Variants in RIMKLB observed in about 807,000 individuals in gnomAD.
RIMKLB encodes the protein ribosomal modification protein rimK like family member B.
Under a neutral mutation model 32.0 loss-of-function variants are expected in RIMKLB, and 7 were observed. The ratio of observed to expected loss-of-function variants is 0.22; its 90% CI spans 0.12 to 0.41. The LOEUF is 0.41. Among genes scored for constraint, RIMKLB ranks in the 10% least tolerant of loss-of-function variants. The probability of loss-of-function intolerance (pLI) is 1.00; values close to 1 mark genes in which losing one functional copy is unlikely to be tolerated. For missense variants in RIMKLB, 289 were observed against 498.7 expected, an observed-to-expected ratio of 0.58 and a Z score of 4.00; for synonymous variants, 172 against 185.1, an observed-to-expected ratio of 0.93 and a Z score of 0.57.
At position 8,777,018 on chromosome 12, in the gene RIMKLB, A is replaced by G. The variant is rs984591671; in HGVS notation, c.*3234A>G. The G allele has an allele frequency of 4.1e-6, 4 of 985,648 alleles. No individual in the cohort carries two copies. The African/African-American group carries it at 5.2e-5, about 13-fold the overall frequency. 61.1% of individuals were successfully genotyped at this position (985,648 alleles called of 1,614,324 possible). ...TGGCTCACTTTTTTTGAGAAGGTTTATGGGCTATTTGGCTGGTGAGACACG... is the reference window on the plus strand; with the variant it reads ...TGGCTCACTTTTTTTGAGAAGGTTTGTGGGCTATTTGGCTGGTGAGACACG... On this transcript the variant is annotated 3_prime_UTR_variant, in exon 6 of 6. Transcript: ENST00000535829.
Position 8,775,846 on chromosome 12 carries a change from T to C in RIMKLB, c.*2062T>C. 2 of 985,104 alleles carry C rather than the reference T, an allele frequency of 2.0e-6. No homozygotes were observed. The highest frequency in any genetic ancestry group is 2.4e-6 in the Non-Finnish European group (2 of 829,600). 61.0% of individuals were successfully genotyped at this position (985,104 alleles called of 1,614,324 possible). ...TTTATCTTAGGATATTCTAATTGCATTTAAAAGAACTTATCTTGCGCAGGG... is the reference window on the plus strand; with the variant it reads ...TTTATCTTAGGATATTCTAATTGCACTTAAAAGAACTTATCTTGCGCAGGG... On this transcript the variant is annotated 3_prime_UTR_variant, in exon 6 of 6. Coordinates refer to ENST00000535829, the MANE Select transcript of RIMKLB (RefSeq NM_001297776.2).
At chr12:8,710,307 C>CTTTTT (rs762963381) in intron 1 of RIMKLB, among the ~76,000 whole-genome samples, 1 of 125,582 alleles carries the variant, frequency 8.0e-6, no homozygotes, top group African/African-American at 3.1e-5. Flanking sequence ...TTGTTTCCTT[C>CTTTTT]TTTTTTTTTT....
chr12:8,689,780 G>C (rs1285562520), intron 1 of RIMKLB, among the ~76,000 whole-genome samples: 1 of 152,160 alleles, frequency 6.6e-6, no homozygotes, highest in Non-Finnish European at 1.5e-5. Flanking sequence ...AGGCCTGGGA[G>C]AACGCAGGCT....
chr12:8,686,560 A>G (rs1849960969), intron 1 of RIMKLB, among the ~76,000 whole-genome samples: 1 of 151,472 alleles, frequency 6.6e-6, no homozygotes, highest in Admixed American at 6.6e-5. Context: ...GCTCACTGCA[A>G]GCTCCGCCTC....
chr12:8,746,629 A>G (rs1422679334), intron 2 of RIMKLB, among the ~76,000 whole-genome samples: 1 of 151,790 alleles, frequency 6.6e-6, no homozygotes, highest in East Asian at 1.9e-4. Context: ...AAAAGATATC[A>G]AGATGCTCGT....
rs1950737234 is a variant in RIMKLB at position 8,776,547 on chromosome 12, G to C, written c.*2763G>C. The C allele has an allele frequency of 2.5e-6, 2 of 795,908 alleles. No individual in the cohort carries two copies. The highest frequency in any genetic ancestry group is 3.0e-6 in the Non-Finnish European group (2 of 657,708). 49.3% of individuals were successfully genotyped at this position (795,908 alleles called of 1,614,324 possible). On this transcript the variant is annotated 3_prime_UTR_variant, in exon 6 of 6. Transcript: ENST00000535829. ...AAAATTTTTGTATATTGTTAAAATT[G>C]TAATTCTAAATTGTATTTCAAAAAT...
At chr12:8,771,449 A>G (rs1443466510) in intron 5 of RIMKLB, among the ~76,000 whole-genome samples, 2 of 152,206 alleles carry the variant, frequency 1.3e-5, no homozygotes, top group Non-Finnish European at 2.9e-5. Flanking sequence ...GGGCTGTTGG[A>G]GTGATATGCC....
intron 2 of RIMKLB, among the ~76,000 whole-genome samples, chr12:8,716,725 C>CTTTTTTTTTTTTT (rs71451981): frequency 2.2e-4 from 21 of 95,160 alleles, no homozygotes; most frequent in East Asian, 9.7e-4. Flanking sequence ...TCTTTTCCTT[C>CTTTTTTTTTTTTT]TTTTTTTTTT....
intron 1 of RIMKLB, among the ~76,000 whole-genome samples, chr12:8,690,292 T>A (rs1373553425): frequency 1.3e-5 from 2 of 152,238 alleles, no homozygotes; most frequent in East Asian, 3.8e-4. Flanking sequence ...AATTTTTTGT[T>A]GAATCTTTAG....
At chr12:8,672,729 C>G in the RIMKLB span, among the ~76,000 whole-genome samples, 1 of 152,102 alleles carries the variant, frequency 6.6e-6, no homozygotes, top group Non-Finnish European at 1.5e-5. Flanking sequence ...CTCATGAGAT[C>G]TGGTTGTTTG....
intron 5 of RIMKLB, among the ~76,000 whole-genome samples, chr12:8,766,538 G>A (rs1324052938): frequency 3.9e-5 from 6 of 152,328 alleles, no homozygotes; most frequent in Non-Finnish European, 7.4e-5. Flanking sequence ...TTTTGATTCT[G>A]TAAGTACTTT....
At chr12:8,692,947 T>C (rs1373076899), upstream of RIMKLB, among the ~76,000 whole-genome samples, 1 of 152,224 alleles carries the variant, frequency 6.6e-6, no homozygotes, top group East Asian at 1.9e-4. Context: ...TTTGCAGTTA[T>C]AACGTTAGAT....
At chr12:8,768,933 A>G (rs927862384) in intron 5 of RIMKLB, among the ~76,000 whole-genome samples, 1 of 152,146 alleles carries the variant, frequency 6.6e-6, no homozygotes, top group East Asian at 1.9e-4. Flanking sequence ...TTTTTAAAAA[A>G]TTCTATCTTT....
chr12:8,751,287 T>G (rs1948599626), intron 3 of RIMKLB, among the ~76,000 whole-genome samples: 1 of 152,224 alleles, frequency 6.6e-6, no homozygotes, highest in Non-Finnish European at 1.5e-5. Context: ...CGCTACACAT[T>G]TCTCGTATTT....
chr12:8,733,806 C>T (rs1946757962), intron 2 of RIMKLB, among the ~76,000 whole-genome samples: 2 of 152,208 alleles, frequency 1.3e-5, no homozygotes, highest in Admixed American at 6.5e-5. Flanking sequence ...ATTGATTGAG[C>T]ACAGGAATTG....
intron 5 of RIMKLB, among the ~76,000 whole-genome samples, chr12:8,768,693 C>T (rs1377762304): frequency 1.3e-5 from 2 of 152,084 alleles, no homozygotes; most frequent in African/African-American, 4.8e-5. Flanking sequence ...GCAGTAATAG[C>T]TTTTATCACT....
chr12:8,717,924 T>C (rs951723448), intron 2 of RIMKLB, among the ~76,000 whole-genome samples: 4 of 152,228 alleles, frequency 2.6e-5, no homozygotes, highest in Non-Finnish European at 4.4e-5. Flanking sequence ...ACGCCTATTT[T>C]AAAATAACGA....
intron 5 of RIMKLB, among the ~76,000 whole-genome samples, chr12:8,755,407 T>C (rs1375127916): frequency 6.6e-6 from 1 of 152,156 alleles, no homozygotes; most frequent in Non-Finnish European, 1.5e-5. Context: ...AGCCTCTCTC[T>C]ATTGGTTAAT....
intron 2 of RIMKLB, among the ~76,000 whole-genome samples, chr12:8,741,665 A>C (rs1162426907): frequency 6.8e-6 from 1 of 147,872 alleles, no homozygotes; most frequent in East Asian, 2.1e-4. Context: ...CTGTAGTCCC[A>C]GCTACTCGGG....
Sources: gnomAD v4.1 joint callset for allele counts (sites outside exome capture counted in the v4.1 genomes callset) on GRCh38, gnomAD v4.1.1 for gene constraint, MANE v1.5 for transcripts, NCBI Gene and HGNC (gene_info 2026-07-23, HGNC 2026-07-21) for gene names.